TKT: variants seen among roughly 807,000 people sequenced by gnomAD.
TKT encodes epididymis luminal protein 107.
TKT carries 47 observed loss-of-function variants against 63.9 expected under a neutral mutation model. That is an observed-to-expected ratio of 0.74 (90% CI 0.58 to 0.94). The LOEUF (loss-of-function observed/expected upper bound fraction) is 0.94. Among genes scored for constraint, TKT ranks in the 40% least tolerant of loss-of-function variants. The probability of loss-of-function intolerance (pLI) is 0.00; values close to 1 mark genes in which losing one functional copy is unlikely to be tolerated. For synonymous variants in TKT, 338 were observed against 334.1 expected, an observed-to-expected ratio of 1.01 and a Z score of -0.13; for missense variants, 721 against 846.2, an observed-to-expected ratio of 0.85 and a Z score of 1.84.
intron 1 of TKT, among the ~76,000 whole-genome samples, chr3:53,254,103 C>G (rs1705875364): frequency 6.6e-6 from 1 of 152,216 alleles, no homozygotes; most frequent in Admixed American, 6.5e-5. Flanking sequence ...CTTGGCAGCT[C>G]AGGAACCCTG....
chr3:53,229,255 G>A (rs1339551412), intron 9 of TKT, 25 bp downstream of exon 9: 2 of 1,613,676 alleles, frequency 1.2e-6, no homozygotes, highest in South Asian at 1.1e-5. Context: ...GGAGCTCCAG[G>A]TGTAAACACC....
Position 53,242,207 on chromosome 3 carries a change from A to G in TKT, c.143T>C (p.Met48Thr), listed in dbSNP as rs1553680054. Residue 48 changes from methionine to threonine, a missense_variant, in exon 2 of 14, where the codon ATG (methionine) becomes ACG (threonine). Met to Thr is a moderately conservative substitution (Grantham distance 81, BLOSUM62 -1). Coordinates refer to ENST00000462138, the MANE Select transcript of TKT (RefSeq NM_001064.4). ...PTSCCSAAEI[M>T]AVLFFHTMRY... The stretch of plus-strand genomic sequence containing the variant: ...CATGGTGTGGAAAAAGAGGACAGCC[A>G]TGATCTCTGCGGCGCTGCAGCATGA... 1 of 1,614,146 alleles carries G rather than the reference A, an allele frequency of 6.2e-7. No individual in the cohort carries two copies. The highest frequency in any genetic ancestry group is 1.1e-5 in the South Asian group (1 of 91,084).
intron 2 of TKT, among the ~76,000 whole-genome samples, chr3:53,241,659 C>A (rs1477667381): frequency 6.6e-6 from 1 of 152,222 alleles, no homozygotes; most frequent in East Asian, 1.9e-4. Context: ...GGCTGTGATT[C>A]CACCCAGAAG....
intron 4 of TKT, among the ~76,000 whole-genome samples, chr3:53,238,128 G>A (rs1228288653): frequency 6.6e-6 from 1 of 152,032 alleles, no homozygotes; most frequent in Non-Finnish European, 1.5e-5. Context: ...TAGGCTCCAG[G>A]CAACCCTGGC....
chr3:53,246,377 G>C (rs1330849362), intron 1 of TKT, among the ~76,000 whole-genome samples: 1 of 152,124 alleles, frequency 6.6e-6, no homozygotes, highest in Admixed American at 6.6e-5. Flanking sequence ...CAATAGACGA[G>C]GTTAACTGGA....
intron 4 of TKT, 124 bp from the exon 5 acceptor site, chr3:53,235,298 A>G (rs1704973995): frequency 1.1e-6 from 1 of 916,994 alleles, no homozygotes; most frequent in South Asian, 2.0e-5. Context: ...TATGCAGAAC[A>G]GATGGCATTT....
Position 53,231,533 on chromosome 3 carries a change from A to G in TKT, c.766T>C (p.Ser256Pro), listed in dbSNP as rs922835613. The G allele has an allele frequency of 9.3e-6, 15 of 1,613,658 alleles. No individual in the cohort carries two copies. The East Asian group carries it at 3.3e-4, about 36-fold the overall frequency. ...TTGGGGAGGGGCTTCCCATGCCAAG[A>G]CTCCTTATCTTCTACCCCTGCAGAC... ...RGITGVEDKE[S>P]WHGKPLPKNM... The change falls in exon 7 of 14, where the codon TCT becomes CCT. Residue 256 changes from serine to proline, a missense_variant. By Grantham distance (74) the Ser-to-Pro change is moderately conservative (BLOSUM62 -1). Coordinates refer to ENST00000462138, the MANE Select transcript of TKT (RefSeq NM_001064.4).
At chr3:53,253,994 A>G (rs1183760128) in intron 1 of TKT, among the ~76,000 whole-genome samples, 1 of 152,198 alleles carries the variant, frequency 6.6e-6, no homozygotes, top group Admixed American at 6.5e-5. Flanking sequence ...CACTAGCCTC[A>G]GTGTTCCCGT....
intron 1 of TKT, among the ~76,000 whole-genome samples, chr3:53,248,587 C>G (rs1705615199): frequency 6.6e-6 from 1 of 152,208 alleles, no homozygotes; most frequent in South Asian, 2.1e-4. Flanking sequence ...CATGACTGTG[C>G]CATTGCACTC....
chr3:53,231,662 G>A, intron 6 of TKT, 112 bp from the exon 7 acceptor site: 4 of 1,173,290 alleles, frequency 3.4e-6, no homozygotes, highest in Non-Finnish European at 4.8e-6. Flanking sequence ...AGGGAGGAAT[G>A]GCATCATCCC....
intron 1 of TKT, among the ~76,000 whole-genome samples, chr3:53,242,472 C>T (rs146539340): frequency 3.1e-4 from 47 of 152,214 alleles, no homozygotes; most frequent in African/African-American, 1.1e-3. Flanking sequence ...GACTGTTGTA[C>T]CTTTCCAGGG....
intron 6 of TKT, chr3:53,231,822 GGT>G: frequency 2.1e-6 from 1 of 477,630 alleles, no homozygotes; most frequent in Admixed American, 3.8e-5. Flanking sequence ...GACGTGGGCA[GGT>G]GTGTGTTTCT....
At chr3:53,232,861 G>C in intron 6 of TKT, 2 of 421,724 alleles carry the variant, frequency 4.7e-6, no homozygotes, top group Non-Finnish European at 8.4e-6. Context: ...CAGCCAGGGT[G>C]GGGCACGGGG....
At position 53,249,758 on chromosome 3, in the gene TKT, T is replaced by C. The variant is rs114836652; in HGVS notation, c.107+6078A>G. On this transcript the variant is annotated intron_variant, in intron 1 of 13. Transcript: ENST00000462138. ...TGGGCTCACCCCAGCTCCCAGCACA[T>C]CCTCTCTCCCCTACCTTGCCTCTCC... Among the ~76,000 whole-genome samples, 1,443 of 152,156 alleles carry C rather than the reference T, an allele frequency of 9.5e-3. 23 individuals are homozygous for C. Among genetic ancestry groups the C allele is most frequent in the African/African-American group, 0.033 (1,380 of 41,508 alleles).
At chr3:53,240,935 A>G (rs1353854441) in intron 3 of TKT, among the ~76,000 whole-genome samples, 197 bp downstream of exon 3, 2 of 152,190 alleles carry the variant, frequency 1.3e-5, no homozygotes, top group African/African-American at 2.4e-5. Context: ...AGGCCTCAGA[A>G]GGCCTTCCCC....
rs1704439849 is a variant in TKT, at chr3:53,224,873, G to C, written c.*883C>G. On this transcript the variant is annotated 3_prime_UTR_variant, in exon 14 of 14. Transcript: ENST00000462138. ...CCCAGCACTAGTTTGTTCTTGGCCAGTATAAGGTTTTGCACAGTTGACCTT... is the reference window on the plus strand; with the variant it reads ...CCCAGCACTAGTTTGTTCTTGGCCACTATAAGGTTTTGCACAGTTGACCTT... The C allele has an allele frequency of 6.6e-6, 1 of 152,366 alleles. No homozygotes were observed. Among genetic ancestry groups the C allele is most frequent in the Non-Finnish European group, 1.5e-5 (1 of 68,136 alleles). The allele number at this position is 152,366 out of a possible 1,614,324, so 9.4% of individuals were successfully genotyped here. A position where few individuals can be genotyped will look rare whatever the true frequency, so the allele number is the denominator to read the frequency against.
chr3:53,226,843 T>TG lies in TKT; in HGVS notation c.1608dup (p.Ile537HisfsTer29). 1 of 1,613,632 alleles carries TG rather than the reference T, an allele frequency of 6.2e-7. No individual in the cohort carries two copies. Among genetic ancestry groups the TG allele is most frequent in the Non-Finnish European group, 8.5e-7 (1 of 1,179,786 alleles). On this transcript the variant is annotated frameshift_variant, in exon 13 of 14. Transcript: ENST00000462138. LOFTEE classifies it high-confidence loss of function. Reference sequence around the variant, plus strand: ...ATGAGTTTTCTGTCCAGGGGCTTGATGGTGAAGGGGTCCAGCACGCGGATG... The same window carrying TG: ...ATGAGTTTTCTGTCCAGGGGCTTGATGGGTGAAGGGGTCCAGCACGCGGATG...
chr3:53,228,278 T>C lies in TKT; in HGVS notation c.1477A>G (p.Lys493Glu), dbSNP rs782380427. The C allele has an allele frequency of 1.9e-6, 3 of 1,614,080 alleles. No homozygotes were observed. The highest frequency in any genetic ancestry group is 8.5e-7 in the Non-Finnish European group (1 of 1,180,020). ...CCTGGGGCATGCGAGGCACTGACCTTGGCTTGTCCGACCTGGAAGTCCTCA... is the reference window on the plus strand; with the variant it reads ...CCTGGGGCATGCGAGGCACTGACCTCGGCTTGTCCGACCTGGAAGTCCTCA... The part of the protein sequence containing the change: ...NNEDFQVGQA[K>E]VVLKSKDDQV... The change falls in exon 11 of 14, where the codon AAG becomes GAG. Residue 493 changes from lysine to glutamate, a missense_variant and splice_region_variant. Coordinates refer to ENST00000462138, the MANE Select transcript of TKT (RefSeq NM_001064.4).
chr3:53,234,817 G>A, intron 5 of TKT, 166 bp downstream of exon 5: 2 of 659,976 alleles, frequency 3.0e-6, no homozygotes, highest in South Asian at 5.8e-5. Context: ...GAGCCATTAA[G>A]TCCAAATGCC....
Sources: allele counts gnomAD v4.1 joint callset (sites outside exome capture counted in the v4.1 genomes callset), GRCh38; gene constraint gnomAD v4.1.1; transcripts MANE v1.5; gene names NCBI Gene and HGNC (gene_info 2026-07-23, HGNC 2026-07-21).